Variants in NAV2 observed in about 807,000 individuals in gnomAD.
NAV2 encodes the protein helicase, APC down-regulated 1.
NAV2 carries 54 observed loss-of-function variants against 223.2 expected under a neutral mutation model. The observed-to-expected ratio is 0.24, with a 90% CI of 0.19 to 0.30. NAV2 has a LOEUF of 0.30. Ranked by LOEUF, NAV2 falls within the 10% of genes least tolerant of loss-of-function variation. The probability of loss-of-function intolerance (pLI) is 1.00; values close to 1 mark genes in which losing one functional copy is unlikely to be tolerated. For missense variants in NAV2, 2,806 were observed against 3,147.5 expected (o/e 0.89, Z 2.60); for synonymous variants, 1,279 against 1,239.3 (o/e 1.03, Z -0.67).
At chr11:19,500,954 T>A (rs1443498606) in intron 1 of NAV2, among the ~76,000 whole-genome samples, 1 of 152,188 alleles carries the variant, frequency 6.6e-6, no homozygotes, top group Non-Finnish European at 1.5e-5. Context: ...TCTGACAGCG[T>A]CTCACTGGGC....
chr11:19,454,643 C>T (rs1321897339), intron 1 of NAV2, among the ~76,000 whole-genome samples: 1 of 152,158 alleles, frequency 6.6e-6, no homozygotes, highest in Non-Finnish European at 1.5e-5. Context: ...GTCCTTCTGT[C>T]ATGGAGCCTC....
chr11:19,968,638 T>C (rs1357735281), intron 10 of NAV2, among the ~76,000 whole-genome samples: 1 of 152,222 alleles, frequency 6.6e-6, no homozygotes, highest in Non-Finnish European at 1.5e-5. Context: ...TTTTAGCTTA[T>C]CTGTCTACCT....
chr11:19,634,846 T>C (rs1177766258), intron 1 of NAV2, among the ~76,000 whole-genome samples: 2 of 152,140 alleles, frequency 1.3e-5, no homozygotes, highest in Non-Finnish European at 1.5e-5. Context: ...TGCCAGACTG[T>C]TGGAGGATAA....
At chr11:19,624,797 A>G (rs1230270998) in intron 1 of NAV2, among the ~76,000 whole-genome samples, 1 of 152,102 alleles carries the variant, frequency 6.6e-6, no homozygotes, top group Non-Finnish European at 1.5e-5. Flanking sequence ...AGTGAGATGA[A>G]CCCGGTACCT....
At chr11:20,059,322 G>A (rs575422780) in intron 19 of NAV2, among the ~76,000 whole-genome samples, 4 of 152,132 alleles carry the variant, frequency 2.6e-5, no homozygotes, top group African/African-American at 4.8e-5. Context: ...TAACCATTCT[G>A]AGATGTAATG....
rs577386953 is a variant in NAV2, at chr11:20,024,276, A to G, written c.2769-11683A>G. 3.9e-4 allele frequency among the ~76,000 whole-genome samples: 60 copies of G among 152,196 alleles called. 1 individual carries two copies. Among genetic ancestry groups the G allele is most frequent in the African/African-American group, 1.4e-3 (57 of 41,532 alleles). On this transcript the variant is annotated intron_variant, in intron 11 of 37. Coordinates refer to ENST00000349880, the MANE Select transcript of NAV2 (RefSeq NM_145117.5). ...GAAGCAGCCCTGCTTTGGCAGTAGG[A>G]CCTAGCTGGGAGTTCTGTGATCTTG...
At chr11:19,938,494 C>T (rs2046116461) in intron 7 of NAV2, among the ~76,000 whole-genome samples, 1 of 152,196 alleles carries the variant, frequency 6.6e-6, no homozygotes, top group African/African-American at 2.4e-5. Flanking sequence ...ATTGTTTTTA[C>T]TGGACGAAGG....
chr11:19,762,857 CCGCCTCAGCCTCCCAAAGTA>C (rs1170368412), intron 1 of NAV2, among the ~76,000 whole-genome samples: 1 of 152,140 alleles, frequency 6.6e-6, no homozygotes, highest in Non-Finnish European at 1.5e-5. Flanking sequence ...TGTGATCCGC[CCGCCTCAGCCTCCCAAAGTA>C]CTAGGATTAC....
Position 19,678,089 on chromosome 11 carries a change from G to A in NAV2, c.76-154395G>A, listed in dbSNP as rs192385247. Among the ~76,000 whole-genome samples the A allele has an allele frequency of 4.3e-4, 65 of 152,274 alleles. No individual in the cohort carries two copies. The East Asian group carries it at 0.011, about 26-fold the overall frequency. On this transcript the variant is annotated intron_variant, in intron 1 of 37. Coordinates refer to the NAV2 transcript ENST00000360655. The stretch of plus-strand genomic sequence containing the variant: ...GAGGCTGCGCCGCAGGAATAGGAGC[G>A]AGGGGATGCTGACCAAGAAGAAAGC...
At chr11:19,782,985 A>G (rs377116087) in intron 1 of NAV2, among the ~76,000 whole-genome samples, 15 of 152,294 alleles carry the variant, frequency 9.8e-5, no homozygotes, top group African/African-American at 3.6e-4. Flanking sequence ...CCTGCATTAT[A>G]CATTATCTTT....
At chr11:19,631,462 C>G (rs149948906) in intron 1 of NAV2, among the ~76,000 whole-genome samples, 1 of 152,182 alleles carries the variant, frequency 6.6e-6, no homozygotes, top group South Asian at 2.1e-4. Context: ...TCATAAAATG[C>G]CCATGTAAGA....
At chr11:19,355,158 AT>A (rs1249919456) in intron 1 of NAV2, among the ~76,000 whole-genome samples, 1 of 152,076 alleles carries the variant, frequency 6.6e-6, no homozygotes, top group Non-Finnish European at 1.5e-5. Context: ...TGACTTTTTG[AT>A]TGATTTTTCT....
chr11:19,692,590 T>C (rs2049209845), intron 1 of NAV2, among the ~76,000 whole-genome samples: 1 of 152,252 alleles, frequency 6.6e-6, no homozygotes, highest in Admixed American at 6.5e-5. Context: ...GAGTTTTTCC[T>C]ACCTTAGTAA....
upstream of NAV2, among the ~76,000 whole-genome samples, chr11:19,348,145 G>A (rs1306136895): frequency 6.6e-6 from 1 of 152,182 alleles, no homozygotes; most frequent in Non-Finnish European, 1.5e-5. Flanking sequence ...TGCACTTGGG[G>A]CGTGTGCGCC....
chr11:19,395,575 C>T (rs556009308), intron 1 of NAV2, among the ~76,000 whole-genome samples: 26 of 152,296 alleles, frequency 1.7e-4, no homozygotes, highest in East Asian at 1.5e-3. Context: ...ACCATGCAGG[C>T]GGCTGACAGA....
intron 1 of NAV2, among the ~76,000 whole-genome samples, chr11:19,562,503 T>G (rs1257275081): frequency 1.3e-5 from 2 of 152,198 alleles, no homozygotes; most frequent in East Asian, 1.9e-4. Flanking sequence ...TTCATATTTT[T>G]TTTTCAGTTT....
At chr11:19,475,763 G>C (rs1222766345) in intron 1 of NAV2, among the ~76,000 whole-genome samples, 1 of 152,162 alleles carries the variant, frequency 6.6e-6, no homozygotes, top group African/African-American at 2.4e-5. Flanking sequence ...ATAAAAGTCA[G>C]CCTGAAAAAA....
chr11:19,564,323 G>A (rs1027060167), intron 1 of NAV2, among the ~76,000 whole-genome samples: 1 of 152,226 alleles, frequency 6.6e-6, no homozygotes, highest in African/African-American at 2.4e-5. Flanking sequence ...CTGTGGACAG[G>A]AATATCTGGT....
At chr11:20,099,616 T>C (rs1189013280) in intron 31 of NAV2, among the ~76,000 whole-genome samples, 1 of 152,170 alleles carries the variant, frequency 6.6e-6, no homozygotes, top group African/African-American at 2.4e-5. Flanking sequence ...TTAAAACTTA[T>C]GCCTTCAAGA....
Sources: allele counts gnomAD v4.1 joint callset (sites outside exome capture counted in the v4.1 genomes callset), GRCh38; gene constraint gnomAD v4.1.1; transcripts MANE v1.5; gene names NCBI Gene and HGNC (gene_info 2026-07-23, HGNC 2026-07-21).